The following HHAT variants were observed in gnomAD, a reference collection of about 807,000 sequenced individuals.
HHAT encodes protein-cysteine N-palmitoyltransferase HHAT.
A neutral mutation model predicts 70.8 loss-of-function variants in HHAT; 47 were observed. The observed-to-expected ratio is 0.66, with a 90% CI of 0.53 to 0.85. The LOEUF is 0.85. Among genes scored for constraint, HHAT ranks in the 40% least tolerant of loss-of-function variants. HHAT has a pLI of 0.00. For missense variants in HHAT, 609 were observed against 604.8 expected (o/e 1.01, Z -0.07); for synonymous variants, 228 against 247.6 (o/e 0.92, Z 0.74).
chr1:210,476,467 A>G (rs2094308017), intron 8 of HHAT, among the ~76,000 whole-genome samples: 1 of 152,196 alleles, frequency 6.6e-6, no homozygotes, highest in African/African-American at 2.4e-5. Flanking sequence ...CCTGGCTCCA[A>G]CCTTCTATTA....
chr1:210,531,565 A>G (rs2148635026), intron 9 of HHAT, among the ~76,000 whole-genome samples: 1 of 152,322 alleles, frequency 6.6e-6, no homozygotes, highest in South Asian at 2.1e-4. Context: ...TCTACTGCAT[A>G]CTAAGTCTGA....
Position 210,452,989 on chromosome 1 carries a change from C to CA in HHAT, c.857-11515dup, listed in dbSNP as rs1421996324. On this transcript the variant is annotated intron_variant, in intron 7 of 11. Coordinates refer to ENST00000261458, the MANE Select transcript of HHAT (RefSeq NM_018194.6). ...AAAAACCTGTCTAAGTGTAAGTAAT[C>CA]AGAGTTTTTTAGCTCAGTGTTTAAG... 3.9e-5 allele frequency among the ~76,000 whole-genome samples: 6 copies of CA among 152,122 alleles called. No homozygotes were observed. In the East Asian group the frequency reaches 1.2e-3, roughly 29 times the overall value.
At chr1:210,640,095 C>A (rs539506941) in intron 11 of HHAT, among the ~76,000 whole-genome samples, 3 of 152,292 alleles carry the variant, frequency 2.0e-5, no homozygotes, top group African/African-American at 7.2e-5. Flanking sequence ...TTTCTTCAAG[C>A]CTGGAAGTGT....
rs555696167 is a variant in HHAT at position 210,518,151 on chromosome 1, A to G, written c.1043+4963A>G. 3.9e-5 allele frequency among the ~76,000 whole-genome samples: 6 copies of G among 152,282 alleles called. No homozygotes were observed. In the South Asian group the frequency reaches 6.2e-4, roughly 16 times the overall value. The stretch of plus-strand genomic sequence containing the variant: ...AATATACAATACCTTACTGTTAACC[A>G]TTGTCACTCTACTGTGCAATCGGAC... On this transcript the variant is annotated intron_variant, in intron 9 of 11. Transcript: ENST00000261458.
At chr1:210,382,198 C>T (rs555800184) in intron 3 of HHAT, among the ~76,000 whole-genome samples, 4 of 152,190 alleles carry the variant, frequency 2.6e-5, no homozygotes, top group Non-Finnish European at 5.9e-5. Flanking sequence ...TTTCTTGTAA[C>T]TTTCTTCCCT....
At chr1:210,467,409 G>A (rs1341058121) in intron 8 of HHAT, among the ~76,000 whole-genome samples, 2 of 152,190 alleles carry the variant, frequency 1.3e-5, no homozygotes, top group Non-Finnish European at 2.9e-5. Context: ...CCCTGACACT[G>A]GTCCTGGTCT....
chr1:210,358,459 A>G (rs2087889381), intron 2 of HHAT, among the ~76,000 whole-genome samples: 1 of 152,210 alleles, frequency 6.6e-6, no homozygotes, highest in South Asian at 2.1e-4. Context: ...TCAAGTGGAA[A>G]TTGGAAGAGG....
intron 3 of HHAT, among the ~76,000 whole-genome samples, chr1:210,377,102 C>T (rs1031827160): frequency 1.3e-5 from 2 of 152,152 alleles, no homozygotes; most frequent in African/African-American, 4.8e-5. Flanking sequence ...GGGGCTGTGG[C>T]CCCCAACAGG....
At chr1:210,351,383 A>G (rs1018448368) in intron 2 of HHAT, among the ~76,000 whole-genome samples, 7 of 152,190 alleles carry the variant, frequency 4.6e-5, no homozygotes, top group Admixed American at 4.6e-4. Flanking sequence ...ACCTAGAAAT[A>G]GTGTTTAATC....
chr1:210,398,522 A>G (rs1055743816), intron 4 of HHAT, among the ~76,000 whole-genome samples: 3 of 152,218 alleles, frequency 2.0e-5, no homozygotes, highest in African/African-American at 7.2e-5. Flanking sequence ...AATGGGGTTT[A>G]CACAGCACTA....
chr1:210,538,676 G>A (rs2095399181), intron 9 of HHAT, among the ~76,000 whole-genome samples: 1 of 152,114 alleles, frequency 6.6e-6, no homozygotes, highest in Admixed American at 6.6e-5. Flanking sequence ...ATAAATACTA[G>A]AGATAACTGT....
At chr1:210,447,501 G>C (rs1055416341) in intron 7 of HHAT, among the ~76,000 whole-genome samples, 1 of 152,160 alleles carries the variant, frequency 6.6e-6, no homozygotes, top group East Asian at 1.9e-4. Flanking sequence ...AGATTTTGCC[G>C]ATCAGAAAGG....
At chr1:210,387,604 CT>C (rs1558413741) in intron 4 of HHAT, 23 bp downstream of exon 4, 2 of 1,564,696 alleles carry the variant, frequency 1.3e-6, no homozygotes, top group Admixed American at 3.4e-5. Flanking sequence ...GTGTTGTTAC[CT>C]TTTAAGTGTG....
chr1:210,498,806 C>T (rs1445877262), intron 8 of HHAT, among the ~76,000 whole-genome samples: 1 of 137,588 alleles, frequency 7.3e-6, no homozygotes, highest in African/African-American at 2.8e-5. Context: ...GAGTCTCGCT[C>T]TGTGGCCATG....
chr1:210,669,609 C>T (rs1313838783), intron 11 of HHAT, among the ~76,000 whole-genome samples: 2 of 152,198 alleles, frequency 1.3e-5, no homozygotes, highest in African/African-American at 2.4e-5. Context: ...TTTCTGGGAA[C>T]CTGTTCATAT....
At chr1:210,510,915 G>A (rs1265051582) in intron 8 of HHAT, among the ~76,000 whole-genome samples, 3 of 152,172 alleles carry the variant, frequency 2.0e-5, no homozygotes, top group East Asian at 1.9e-4. Context: ...AATAGAGTCT[G>A]TTGGTCTCTG....
chr1:210,342,310 C>G (rs778249526), intron 1 of HHAT, among the ~76,000 whole-genome samples: 1 of 152,148 alleles, frequency 6.6e-6, no homozygotes, highest in Non-Finnish European at 1.5e-5. Context: ...AACATGAAAT[C>G]GTATGTTTTA....
chr1:210,617,543 T>C (rs1026846802), intron 10 of HHAT, among the ~76,000 whole-genome samples: 3 of 152,204 alleles, frequency 2.0e-5, no homozygotes, highest in African/African-American at 7.2e-5. Flanking sequence ...CTGGAACTTT[T>C]AGCAGGAACC....
chr1:210,421,087 A>T (rs2092887815), intron 7 of HHAT, among the ~76,000 whole-genome samples: 1 of 152,160 alleles, frequency 6.6e-6, no homozygotes, highest in African/African-American at 2.4e-5. Flanking sequence ...ATTTAATACA[A>T]TCCCTATCAA....
Sources: allele counts gnomAD v4.1 joint callset (sites outside exome capture counted in the v4.1 genomes callset), GRCh38; gene constraint gnomAD v4.1.1; transcripts MANE v1.5; gene names NCBI Gene and HGNC (gene_info 2026-07-23, HGNC 2026-07-21).